ARHGEF10: variants seen among roughly 807,000 people sequenced by gnomAD.
The protein encoded by ARHGEF10 is Rho guanine nucleotide exchange factor 10, also known as Rho guanine nucleotide exchange factor (GEF) 10.
Under a neutral mutation model 147.4 loss-of-function variants are expected in ARHGEF10, and 140 were observed. The observed-to-expected ratio is 0.95, with a 90% CI of 0.83 to 1.09. The LOEUF is 1.09. Among genes scored for constraint, ARHGEF10 ranks in the 50% least tolerant of loss-of-function variants. The pLI is 0.00. For missense variants in ARHGEF10, 2,222 were observed against 1,752.7 expected (o/e 1.27, Z -4.78); for synonymous variants, 902 against 695.8 (o/e 1.30, Z -4.67).
At chr8:1,880,279 G>A in intron 9 of ARHGEF10, 115 bp downstream of exon 9, 2 of 756,884 alleles carry the variant, frequency 2.6e-6, no homozygotes, top group East Asian at 2.6e-5. Context: ...GTGGTCCGGG[G>A]CTCCTGGAAT....
intron 17 of ARHGEF10, among the ~76,000 whole-genome samples, chr8:1,907,268 A>AC (rs1262115153): frequency 1.3e-5 from 2 of 151,744 alleles, no homozygotes; most frequent in African/African-American, 2.4e-5. Flanking sequence ...CTGTCCCAGA[A>AC]CCCCCCTCTC....
intron 1 of ARHGEF10, among the ~76,000 whole-genome samples, chr8:1,830,713 G>C (rs543488612): frequency 6.6e-6 from 1 of 152,232 alleles, no homozygotes; most frequent in Non-Finnish European, 1.5e-5. Flanking sequence ...GATTTAAGAA[G>C]TAAAGTAATA....
rs1239210420 is a variant in ARHGEF10 at position 1,956,998 on chromosome 8, C to G, written c.3770C>G (p.Ser1257Cys). Reference sequence around the variant, plus strand: ...TCGATGACTCAGAAAAGCGACCTGTCCTCCTCATCTGGGTCCCTGAGCTTG... The same window carrying G: ...TCGATGACTCAGAAAAGCGACCTGTGCTCCTCATCTGGGTCCCTGAGCTTG... ...LGSMTQKSDLSSSSGSLSLSH... is the reference protein window; with the variant it reads ...LGSMTQKSDLCSSSGSLSLSH... The change falls in exon 29 of 29, where the codon TCC (serine) becomes TGC (cysteine). Residue 1257 changes from serine (S) to cysteine (C), a missense_variant. Ser to Cys is a moderately radical substitution (Grantham distance 112, BLOSUM62 -1). Transcript: ENST00000349830. The G allele has an allele frequency of 1.9e-5, 30 of 1,614,124 alleles. No homozygotes were observed. The highest frequency in any genetic ancestry group is 2.5e-5 in the Non-Finnish European group (30 of 1,180,038).
chr8:1,859,059 T>C (rs1805851604), intron 3 of ARHGEF10, among the ~76,000 whole-genome samples: 1 of 151,694 alleles, frequency 6.6e-6, no homozygotes, highest in African/African-American at 2.4e-5. Context: ...AGCACCTGCC[T>C]CTTGGTTGTT....
In ARHGEF10 at chr8:1,894,172, A is replaced by AG. The variant is rs35789666; in HGVS notation, c.1261-221_1261-220insG. ...ACGGGTGACAGACTGAGACTGTCTC[A>AG]AAAAAAAAAAAAAGAAAAATGTCTG... On this transcript the variant is annotated intron_variant, in intron 12 of 28. Transcript: ENST00000349830. Among the ~76,000 whole-genome samples, 19 of 13,474 alleles carry AG rather than the reference A, an allele frequency of 1.4e-3. No homozygotes were observed. In the Middle Eastern group the frequency reaches 0.071, roughly 51 times the overall value. 8.8% of individuals were successfully genotyped at this position (13,474 alleles called of 152,430 possible).
At chr8:1,922,633 G>A (rs1812382724) in intron 18 of ARHGEF10, among the ~76,000 whole-genome samples, 3 of 152,128 alleles carry the variant, frequency 2.0e-5, no homozygotes, top group Admixed American at 1.3e-4. Context: ...GTTTGAAGAC[G>A]GTCTGTAGGT....
At chr8:1,914,917 C>T (rs948344103) in intron 18 of ARHGEF10, among the ~76,000 whole-genome samples, 1 of 152,128 alleles carries the variant, frequency 6.6e-6, no homozygotes, top group Non-Finnish European at 1.5e-5. Context: ...GTGGATAGTC[C>T]GGAAACAGTC....
At chr8:1,882,934 G>C (rs1808343114) in intron 10 of ARHGEF10, among the ~76,000 whole-genome samples, 185 bp downstream of exon 10, 1 of 152,198 alleles carries the variant, frequency 6.6e-6, no homozygotes, top group Non-Finnish European at 1.5e-5. Flanking sequence ...CTGCAGGGGT[G>C]GCGTTTTAGA....
intron 1 of ARHGEF10, among the ~76,000 whole-genome samples, chr8:1,830,397 G>A (rs1370175338): frequency 1.3e-5 from 2 of 152,212 alleles, no homozygotes. Context: ...CACCTTCTTG[G>A]TCCCTTGAGG....
intron 15 of ARHGEF10, among the ~76,000 whole-genome samples, chr8:1,899,325 G>T (rs545313107): frequency 7.0e-4 from 107 of 152,308 alleles, no homozygotes; most frequent in African/African-American, 2.4e-3. Context: ...GTCTATGCTG[G>T]TTTCTGCCTG....
At chr8:1,882,823 CG>C in intron 10 of ARHGEF10, 74 bp downstream of exon 10, 1 of 132,198 alleles carries the variant, frequency 7.6e-6, no homozygotes. Context: ...GGGGAGGACT[CG>C]GGGTGGGGGG....
intron 1 of ARHGEF10, among the ~76,000 whole-genome samples, chr8:1,828,256 G>A (rs189272369): frequency 2.0e-5 from 3 of 152,380 alleles, no homozygotes; most frequent in South Asian, 4.1e-4. Context: ...CAGCTGTGGG[G>A]AACAGACCCT....
chr8:1,855,731 A>T (rs1464794538), intron 2 of ARHGEF10, among the ~76,000 whole-genome samples: 1 of 152,130 alleles, frequency 6.6e-6, no homozygotes, highest in African/African-American at 2.4e-5. Flanking sequence ...CACGGCATTT[A>T]GTCGGCATTG....
At chr8:1,938,383 A>G (rs1161704408) in intron 26 of ARHGEF10, among the ~76,000 whole-genome samples, 1 of 152,244 alleles carries the variant, frequency 6.6e-6, no homozygotes, top group Non-Finnish European at 1.5e-5. Flanking sequence ...AGCTGCTTAA[A>G]GTGCAAACCT....
rs1187663921 is a variant in ARHGEF10, at chr8:1,873,701, C to T, written c.680-2870C>T. Among the ~76,000 whole-genome samples the T allele has an allele frequency of 1.6e-3, 225 of 137,502 alleles. 29 individuals are homozygous for T. The highest frequency in any genetic ancestry group is 6.2e-3 in the African/African-American group (206 of 33,154). 90.2% of individuals were successfully genotyped at this position (137,502 alleles called of 152,430 possible). The stretch of plus-strand genomic sequence containing the variant: ...TTTCCTCGTTTCATTGAGCGGTGCC[C>T]GCGGGGTAGTGCACTCGCATTTCCT... On this transcript the variant is annotated intron_variant, in intron 7 of 28. Transcript: ENST00000349830.
In ARHGEF10 at chr8:1,952,634, GC is replaced by G. The variant is rs1268846894; in HGVS notation, c.3398-70del. The G allele has an allele frequency of 8.8e-6, 14 of 1,593,388 alleles. No homozygotes were observed. In the East Asian group the frequency reaches 3.1e-4, roughly 36 times the overall value. ...GCACGACAGGCCTGTGGGGTTTCCA[GC>G]ACCCCGTCACCGCCCCACCAACTCT... On this transcript the variant is annotated intron_variant, in intron 27 of 28. Coordinates refer to ENST00000349830, the MANE Select transcript of ARHGEF10 (RefSeq NM_014629.4).
intron 11 of ARHGEF10, among the ~76,000 whole-genome samples, chr8:1,890,275 T>G (rs796328079): frequency 6.5e-5 from 8 of 122,960 alleles, no homozygotes; most frequent in African/African-American, 2.7e-4. Context: ...TGAGGAGACA[T>G]TGAGTGGGGT....
Position 1,860,187 on chromosome 8 carries a change from A to G in ARHGEF10, c.481+3A>G. The G allele has an allele frequency of 6.2e-7, 1 of 1,611,222 alleles. No homozygotes were observed. Among genetic ancestry groups the G allele is most frequent in the Non-Finnish European group, 8.5e-7 (1 of 1,179,836 alleles). On this transcript the variant is annotated splice_donor_region_variant and intron_variant, in intron 4 of 28. Coordinates refer to ENST00000349830, the MANE Select transcript of ARHGEF10 (RefSeq NM_014629.4). ...CGCCACGTCCCTGGACGAAGAAGGT[A>G]CTGCTACCCTCCTCTCCACGCCCCC...
In ARHGEF10 at chr8:1,834,385, C is replaced by T. The variant is rs187611121; in HGVS notation, c.-47-8968C>T. Reference sequence around the variant, plus strand: ...CGGTCTCAGTCCGAGGTGAGCAGAGCGTAATGGTGAGAAGGTAGCAGAGCT... The same window carrying T: ...CGGTCTCAGTCCGAGGTGAGCAGAGTGTAATGGTGAGAAGGTAGCAGAGCT... On this transcript the variant is annotated intron_variant, in intron 1 of 28. Coordinates refer to ENST00000349830, the MANE Select transcript of ARHGEF10 (RefSeq NM_014629.4). Among the ~76,000 whole-genome samples, 165 of 152,204 alleles carry T rather than the reference C, an allele frequency of 1.1e-3. 1 individual carries two copies. The highest frequency in any genetic ancestry group is 3.8e-3 in the African/African-American group (159 of 41,506).
Sources: allele counts gnomAD v4.1 joint callset (sites outside exome capture counted in the v4.1 genomes callset), GRCh38; gene constraint gnomAD v4.1.1; transcripts MANE v1.5; gene names NCBI Gene and HGNC (gene_info 2026-07-23, HGNC 2026-07-21).